ATAD3A: variants seen among roughly 807,000 people sequenced by gnomAD.
ATAD3A encodes ATPase family AAA domain-containing protein 3A.
In ATAD3A, 46 loss-of-function variants were observed where a neutral mutation model predicts 73.8. That is an observed-to-expected ratio of 0.62 (90% confidence interval 0.49 to 0.80). The LOEUF is 0.80. Among genes scored for constraint, ATAD3A ranks in the 30% least tolerant of loss-of-function variants. The pLI is 0.00. For synonymous variants in ATAD3A, 319 were observed against 350.0 expected, an observed-to-expected ratio of 0.91 and a Z score of 0.99; for missense variants, 705 against 838.0, an observed-to-expected ratio of 0.84 and a Z score of 1.96.
rs537526364 is a variant in ATAD3A at position 1,525,429 on chromosome 1, T to G, written c.1266+138T>G. ...GAAAAACAGCTTTTTTTTTTTTTTT[T>G]TTTGAGAAGAAATCTCGCTCTATCA... On this transcript the variant is annotated intron_variant, in intron 12 of 15. Coordinates refer to ENST00000378756, the MANE Select transcript of ATAD3A (RefSeq NM_001170535.3). 1,256 of 1,220,108 alleles carry G rather than the reference T, an allele frequency of 1.0e-3. 8 individuals are homozygous for G. In the East Asian group the frequency reaches 0.028, roughly 27 times the overall value. 75.6% of individuals were successfully genotyped at this position (1,220,108 alleles called of 1,614,324 possible).
At chr1:1,519,514 C>A (rs1225841836) in intron 5 of ATAD3A, among the ~76,000 whole-genome samples, 4 of 63,172 alleles carry the variant, frequency 6.3e-5, no homozygotes, top group Non-Finnish European at 9.5e-5. Flanking sequence ...AGGCGTGAGC[C>A]TCTGCGTTCT....
chr1:1,518,192 A>T (rs1224047153), intron 4 of ATAD3A, among the ~76,000 whole-genome samples: 1 of 150,254 alleles, frequency 6.7e-6, no homozygotes. Flanking sequence ...ATGGACACTC[A>T]CACCTGTAAA....
intron 14 of ATAD3A, among the ~76,000 whole-genome samples, chr1:1,529,020 T>G (rs1641945773): frequency 6.6e-6 from 1 of 152,126 alleles, no homozygotes; most frequent in Non-Finnish European, 1.5e-5. Context: ...GTTGGGGCCA[T>G]CTCCAGGCCC....
chr1:1,518,291 C>CA (rs1557460052), intron 4 of ATAD3A, among the ~76,000 whole-genome samples: 89 of 138,526 alleles, frequency 6.4e-4, no homozygotes, highest in African/African-American at 2.3e-3. Context: ...TACGTACCCC[C>CA]CCACACACAC....
Position 1,530,076 on chromosome 1 carries a change from G to A in ATAD3A, c.1614+745G>A, listed in dbSNP as rs563751719. 1.1e-4 allele frequency among the ~76,000 whole-genome samples: 16 copies of A among 152,356 alleles called. No homozygotes were observed. In the South Asian group the frequency reaches 3.3e-3, roughly 32 times the overall value. Reference sequence around the variant, plus strand: ...GCTTAATGAAGCAGCCGAGTACCTTGATTTGAATGTTGGAGCCGGGGTTCA... The same window carrying A: ...GCTTAATGAAGCAGCCGAGTACCTTAATTTGAATGTTGGAGCCGGGGTTCA... On this transcript the variant is annotated intron_variant, in intron 15 of 15. Coordinates refer to ENST00000378756, the MANE Select transcript of ATAD3A (RefSeq NM_001170535.3).
chr1:1,525,230 T>C lies in ATAD3A; in HGVS notation c.1215-10T>C, dbSNP rs201577129. 2 of 1,613,684 alleles carry C rather than the reference T, an allele frequency of 1.2e-6. No homozygotes were observed. The highest frequency in any genetic ancestry group is 1.3e-5 in the African/African-American group (1 of 74,990). ...ACTCTCGCCCTGCTTGGCCTCCCTC[T>C]CGTTCACAGCCTCCTGCTCTTTGTG... On this transcript the variant is annotated splice_polypyrimidine_tract_variant and intron_variant, in intron 11 of 15. Transcript: ENST00000378756.
At position 1,523,617 on chromosome 1, in the gene ATAD3A, G is replaced by T. The variant is rs1641688279; in HGVS notation, c.963+50G>T. 1 of 1,610,210 alleles carries T rather than the reference G, an allele frequency of 6.2e-7. No individual in the cohort carries two copies. Among genetic ancestry groups the T allele is most frequent in the African/African-American group, 1.3e-5 (1 of 74,792 alleles). On this transcript the variant is annotated intron_variant, in intron 9 of 15. Coordinates refer to ENST00000378756, the MANE Select transcript of ATAD3A (RefSeq NM_001170535.3). The surrounding 1 kb of genome is among the most constrained non-coding windows in gnomAD (Gnocchi z 5.1). ...GGAGGCGCAGGGAGGGGACCCTGGA[G>T]CTGGGCCGGGCTGTGGCCCTTGCTG...
chr1:1,528,569 G>A (rs538343368), intron 14 of ATAD3A, among the ~76,000 whole-genome samples: 2 of 152,358 alleles, frequency 1.3e-5, no homozygotes, highest in African/African-American at 2.4e-5. Flanking sequence ...TGTTGCTGGC[G>A]GTGGGTGCAG....
In ATAD3A at chr1:1,523,898, C is replaced by G. The variant is rs1179445542; in HGVS notation, c.1023C>G (p.Asn341Lys). The change falls in exon 10 of 16, where the codon AAC (asparagine) becomes AAG (lysine). Residue 341 changes from asparagine to lysine, a missense_variant. Transcript: ENST00000378756. The surrounding 1 kb of genome is among the most constrained non-coding windows in gnomAD (Gnocchi z 5.1). ...IAIATRNTKKNRSLYRNILMY... is the reference protein window; with the variant it reads ...IAIATRNTKKKRSLYRNILMY... ...TAGCAACAAGGAACACCAAGAAGAA[C>G]CGCAGCCTGTACAGGAACATCCTGA... is the stretch of plus-strand genomic sequence containing the variant. 1.9e-6 allele frequency: 3 copies of G among 1,614,074 alleles called. No homozygotes were observed. Among genetic ancestry groups the G allele is most frequent in the Non-Finnish European group, 2.5e-6 (3 of 1,180,022 alleles).
chr1:1,513,193 G>C (rs1641254564), intron 1 of ATAD3A, among the ~76,000 whole-genome samples: 1 of 152,210 alleles, frequency 6.6e-6, no homozygotes, highest in African/African-American at 2.4e-5. Flanking sequence ...GGAATCAAGG[G>C]CTGGACTTCA....
chr1:1,529,996 C>A (rs1030919849), intron 15 of ATAD3A, among the ~76,000 whole-genome samples: 1 of 152,264 alleles, frequency 6.6e-6, no homozygotes, highest in South Asian at 2.1e-4. Context: ...TCCGCAGAGT[C>A]TGTGTAACAA....
intron 15 of ATAD3A, among the ~76,000 whole-genome samples, chr1:1,530,421 C>G (rs1341192871): frequency 6.6e-6 from 1 of 152,174 alleles, no homozygotes; most frequent in East Asian, 1.9e-4. Flanking sequence ...GTAATGCCAG[C>G]TGCTTGGGAG....
intron 12 of ATAD3A, 95 bp from the exon 13 acceptor site, chr1:1,526,366 T>TG: frequency 1.3e-6 from 2 of 1,567,634 alleles, no homozygotes; most frequent in East Asian, 2.3e-5. Flanking sequence ...GCCATGTCCC[T>TG]GCTCCCTGCA....
At position 1,534,516 on chromosome 1, in the gene ATAD3A, G is replaced by A; in HGVS notation, c.*444G>A. ...ACCCAGGTGGGGCAGCCTGAACCCTGCTTCCCCCTGTGGCCGGCATGCCCC... is the reference window on the plus strand; with the variant it reads ...ACCCAGGTGGGGCAGCCTGAACCCTACTTCCCCCTGTGGCCGGCATGCCCC... On this transcript the variant is annotated 3_prime_UTR_variant, in exon 16 of 16. Transcript: ENST00000378756. 2 of 621,768 alleles carry A rather than the reference G, an allele frequency of 3.2e-6. No homozygotes were observed. Among genetic ancestry groups the A allele is most frequent in the Non-Finnish European group, 4.5e-6 (2 of 443,160 alleles). 38.5% of individuals were successfully genotyped at this position (621,768 alleles called of 1,614,324 possible). A position where few individuals can be genotyped will look rare whatever the true frequency, so the allele number is the denominator to read the frequency against.
chr1:1,523,438 G>A lies in ATAD3A; in HGVS notation c.907-73G>A, dbSNP rs1324278017. On this transcript the variant is annotated intron_variant, in intron 8 of 15. Transcript: ENST00000378756. This position sits in a 1 kb window ranked among gnomAD's most constrained non-coding sequence, Gnocchi z 5.1. ...TCCGTTTCTGCGTGTTACCGAGCGT[G>A]TGTGTGCGCGTTGGTGGCTGTTCCG... 4 of 1,571,132 alleles carry A rather than the reference G, an allele frequency of 2.5e-6. No individual in the cohort carries two copies. The highest frequency in any genetic ancestry group is 2.1e-4 in the Middle Eastern group (1 of 4,876).
chr1:1,525,772 C>A (rs1376484352), intron 12 of ATAD3A, among the ~76,000 whole-genome samples: 2 of 152,042 alleles, frequency 1.3e-5, no homozygotes, highest in African/African-American at 4.8e-5. Context: ...CAGGGGCGAT[C>A]ACAGCTCACT....
At chr1:1,527,421 TCAG>T (rs1641886333) in intron 13 of ATAD3A, among the ~76,000 whole-genome samples, 1 of 151,982 alleles carries the variant, frequency 6.6e-6, no homozygotes, top group Non-Finnish European at 1.5e-5. Flanking sequence ...ACAGCAGGGG[TCAG>T]GCAGCAGGAG....
In ATAD3A at chr1:1,527,698, C is replaced by T; in HGVS notation, c.1341C>T (p.Phe447=). 1 of 1,610,698 alleles carries T rather than the reference C, an allele frequency of 6.2e-7. No individual in the cohort carries two copies. The highest frequency in any genetic ancestry group is 8.5e-7 in the Non-Finnish European group (1 of 1,178,102). Residue 447 remains phenylalanine (F), a synonymous_variant, in exon 14 of 16, where the codon TTC becomes TTT. Transcript: ENST00000378756. ...LYRTGQHSNK[F]MLVLASNQPE... ...CATCCTCATCCCCGCCCCGCAGGTT[C>T]ATGCTGGTCCTGGCCAGCAACCAAC...
At position 1,533,979 on chromosome 1, in the gene ATAD3A, C is replaced by T. The variant is rs1642127921; in HGVS notation, c.1668C>T (p.Thr556=). The stretch of plus-strand genomic sequence containing the variant: ...TCCTGACCGAGGCCATGATGGACAC[C>T]CGCGTGCAAGATGCTGTCCAGCAGC... ...DGVLTEAMMD[T]RVQDAVQQHQ... The change falls in exon 16 of 16, where the codon ACC becomes ACT. Residue 556 remains threonine (T), a synonymous_variant. Coordinates refer to ENST00000378756, the MANE Select transcript of ATAD3A (RefSeq NM_001170535.3). The T allele has an allele frequency of 6.2e-7, 1 of 1,613,418 alleles. No individual in the cohort carries two copies. Among genetic ancestry groups the T allele is most frequent in the Non-Finnish European group, 8.5e-7 (1 of 1,179,958 alleles).
Sources: allele counts gnomAD v4.1 joint callset (sites outside exome capture counted in the v4.1 genomes callset), GRCh38; gene constraint gnomAD v4.1.1; non-coding constraint Gnocchi (gnomAD v3.1); transcripts MANE v1.5; gene names NCBI Gene and HGNC (gene_info 2026-07-23, HGNC 2026-07-21).